Variants in TSHZ2 observed in about 807,000 individuals in gnomAD.
TSHZ2 encodes the protein teashirt zinc finger homeobox 2, also known as teashirt homolog 2.
TSHZ2 carries 21 observed loss-of-function variants against 74.4 expected under a neutral mutation model. That is an observed-to-expected ratio of 0.28 (90% CI 0.20 to 0.41). The LOEUF is 0.41. Among genes scored for constraint, TSHZ2 ranks in the 10% least tolerant of loss-of-function variants. The pLI, the probability that TSHZ2 is intolerant of heterozygous loss-of-function variation, is 1.00. For missense variants in TSHZ2, 1,244 were observed against 1,293.5 expected (o/e 0.96, Z 0.59); for synonymous variants, 540 against 515.3 (o/e 1.05, Z -0.65).
chr20:53,277,057 T>C (rs573101967), intron 2 of TSHZ2, among the ~76,000 whole-genome samples: 2 of 152,224 alleles, frequency 1.3e-5, no homozygotes, highest in African/African-American at 2.4e-5. Context: ...AAGGAGTGGG[T>C]AGCCAGGAAG....
At chr20:53,015,847 C>T (rs1156577660) in intron 1 of TSHZ2, among the ~76,000 whole-genome samples, 1 of 152,108 alleles carries the variant, frequency 6.6e-6, no homozygotes, top group Non-Finnish European at 1.5e-5. Flanking sequence ...CTTAAGGATG[C>T]TGTGAAGTAC....
At chr20:53,343,419 A>G (rs1980301632) in intron 2 of TSHZ2, among the ~76,000 whole-genome samples, 1 of 152,150 alleles carries the variant, frequency 6.6e-6, no homozygotes, top group African/African-American at 2.4e-5. Context: ...TTCTCAGGTC[A>G]CTTCCTGACT....
At chr20:53,117,292 A>G (rs1196437996) in intron 1 of TSHZ2, among the ~76,000 whole-genome samples, 1 of 152,222 alleles carries the variant, frequency 6.6e-6, no homozygotes, top group Non-Finnish European at 1.5e-5. Context: ...GAGATAACAT[A>G]TGGCATATCT....
At chr20:53,390,867 T>C (rs145420252) in intron 2 of TSHZ2, among the ~76,000 whole-genome samples, 119 of 152,290 alleles carry the variant, frequency 7.8e-4, no homozygotes, top group Middle Eastern at 3.4e-3. Context: ...TAGTATCTCA[T>C]TGTGGTTTTG....
At chr20:53,211,900 C>G (rs1989315907) in intron 1 of TSHZ2, among the ~76,000 whole-genome samples, 1 of 152,154 alleles carries the variant, frequency 6.6e-6, no homozygotes, top group East Asian at 1.9e-4. Flanking sequence ...CCCTCTCCCT[C>G]TTTGGAGTCC....
At position 53,255,051 on chromosome 20, in the gene TSHZ2, C is replaced by A; in HGVS notation, c.1593C>A (p.Ala531=). ...CTGTCACCACAGCCATCAACAAAGC[C>A]CAAAACGGGGCCCCCAGCTGGAGTG... The part of the protein sequence containing the change: ...ENTVTTAINK[A]QNGAPSWSAY... Residue 531 remains alanine (A), a synonymous_variant, in exon 2 of 3, where the codon GCC becomes GCA. Transcript: ENST00000371497. This position sits in a 1 kb window ranked among gnomAD's most constrained non-coding sequence, Gnocchi z 4.1. 1 of 1,614,094 alleles carries A rather than the reference C, an allele frequency of 6.2e-7. No homozygotes were observed. The highest frequency in any genetic ancestry group is 8.5e-7 in the Non-Finnish European group (1 of 1,180,020).
At chr20:53,265,371 G>A (rs1990692093) in intron 2 of TSHZ2, among the ~76,000 whole-genome samples, 1 of 152,112 alleles carries the variant, frequency 6.6e-6, no homozygotes, top group African/African-American at 2.4e-5. Context: ...AGGGGCTTGA[G>A]GGGTGTTGGA....
chr20:53,133,772 A>G (rs940825405), intron 1 of TSHZ2, among the ~76,000 whole-genome samples: 1 of 152,166 alleles, frequency 6.6e-6, no homozygotes, highest in Non-Finnish European at 1.5e-5. Context: ...ATCAAAAGCC[A>G]GTATCACTCT....
At chr20:53,326,514 G>C (rs1326647999) in intron 2 of TSHZ2, among the ~76,000 whole-genome samples, 1 of 152,102 alleles carries the variant, frequency 6.6e-6, no homozygotes, top group Non-Finnish European at 1.5e-5. Flanking sequence ...AATTTGATTT[G>C]AGCTGCAATA....
rs141718912 is a variant in TSHZ2, at chr20:53,019,852, ACT to A, written c.40+46524_40+46525del. Among the ~76,000 whole-genome samples the A allele has an allele frequency of 4.2e-3, 639 of 152,084 alleles. 5 individuals are homozygous for A. Among genetic ancestry groups the A allele is most frequent in the African/African-American group, 0.015 (605 of 41,476 alleles). ...GAAAGTCTCATGAAGGTTGGTTATC[ACT>A]CTCTTCCTGTATTAGTCTGTTTTCA... On this transcript the variant is annotated intron_variant, in intron 1 of 2. Transcript: ENST00000371497.
intron 1 of TSHZ2, among the ~76,000 whole-genome samples, chr20:53,045,568 C>A (rs888986068): frequency 6.6e-6 from 1 of 152,220 alleles, no homozygotes; most frequent in Non-Finnish European, 1.5e-5. Flanking sequence ...TATCCTGATT[C>A]ATTCACCTAA....
chr20:53,352,915 G>A (rs181649819), intron 2 of TSHZ2, among the ~76,000 whole-genome samples: 48 of 152,160 alleles, frequency 3.2e-4, no homozygotes, highest in Admixed American at 7.9e-4. Context: ...TCTCCACCAT[G>A]TCCAGTAAAT....
chr20:53,396,191 C>A (rs1253963241), intron 2 of TSHZ2, among the ~76,000 whole-genome samples: 1 of 152,262 alleles, frequency 6.6e-6, no homozygotes, highest in African/African-American at 2.4e-5. Context: ...CCCGCCTTGG[C>A]CTCCCAGAGT....
intron 2 of TSHZ2, among the ~76,000 whole-genome samples, chr20:53,375,950 A>T (rs1981642883): frequency 6.6e-6 from 1 of 152,242 alleles, no homozygotes; most frequent in South Asian, 2.1e-4. Flanking sequence ...GGAAATACTT[A>T]TCAGATAAAT....
At chr20:53,427,055 G>C (rs1983682047) in intron 2 of TSHZ2, among the ~76,000 whole-genome samples, 1 of 152,136 alleles carries the variant, frequency 6.6e-6, no homozygotes, top group Non-Finnish European at 1.5e-5. Flanking sequence ...AAATGTGTCA[G>C]CTCCCTTCAT....
intron 1 of TSHZ2, among the ~76,000 whole-genome samples, chr20:53,191,557 G>C (rs1203287730): frequency 6.6e-6 from 1 of 152,214 alleles, no homozygotes; most frequent in Non-Finnish European, 1.5e-5. Flanking sequence ...CAGCCACTTG[G>C]GATGCTGAAG....
intron 1 of TSHZ2, among the ~76,000 whole-genome samples, chr20:53,075,689 G>A (rs983046788): frequency 1.3e-4 from 20 of 152,182 alleles, no homozygotes; most frequent in Non-Finnish European, 2.9e-4. Context: ...GTGGAGGAAG[G>A]AGTAGGGTGA....
chr20:53,166,344 A>G (rs962035594), intron 1 of TSHZ2, among the ~76,000 whole-genome samples: 1 of 152,228 alleles, frequency 6.6e-6, no homozygotes, highest in African/African-American at 2.4e-5. Flanking sequence ...TGGGCTGGGC[A>G]TGATGGCTTA....
chr20:53,045,238 G>A (rs561969770), intron 1 of TSHZ2, among the ~76,000 whole-genome samples: 27 of 152,252 alleles, frequency 1.8e-4, no homozygotes, highest in South Asian at 1.0e-3. Context: ...CGGGTCATAC[G>A]CTGACTCTCA....
Sources: gnomAD v4.1 joint callset for allele counts (sites outside exome capture counted in the v4.1 genomes callset) on GRCh38, gnomAD v4.1.1 for gene constraint, Gnocchi (gnomAD v3.1) non-coding constraint, MANE v1.5 for transcripts, NCBI Gene and HGNC (gene_info 2026-07-23, HGNC 2026-07-21) for gene names.